TRAPPC9: variants seen among roughly 807,000 people sequenced by gnomAD.
The protein encoded by TRAPPC9 is trafficking protein particle complex subunit 9.
A neutral mutation model predicts 124.0 loss-of-function variants in TRAPPC9; 83 were observed. The observed-to-expected ratio is 0.67, with a 90% CI of 0.56 to 0.80. The LOEUF (loss-of-function observed/expected upper bound fraction) is 0.80, where lower values mean the gene tolerates loss of function less well. Ranked by LOEUF, TRAPPC9 falls within the 30% of genes least tolerant of loss-of-function variation. TRAPPC9 has a pLI of 0.00. For synonymous variants in TRAPPC9, 638 were observed against 617.5 expected, an observed-to-expected ratio of 1.03 and a Z score of -0.49; for missense variants, 1,302 against 1,508.3, an observed-to-expected ratio of 0.86 and a Z score of 2.27.
intron 17 of TRAPPC9, among the ~76,000 whole-genome samples, chr8:140,186,209 T>C (rs1241142307): frequency 1.3e-5 from 2 of 152,256 alleles, no homozygotes; most frequent in African/African-American, 2.4e-5. Flanking sequence ...AGAATTTCTA[T>C]AGCTACAAAA....
chr8:140,287,527 G>A lies in TRAPPC9; in HGVS notation c.1981+81C>T, dbSNP rs184755461. 48 of 1,568,122 alleles carry A rather than the reference G, an allele frequency of 3.1e-5. No individual in the cohort carries two copies. In the African/African-American group the frequency reaches 3.2e-4, roughly 11 times the overall value. On this transcript the variant is annotated intron_variant, in intron 13 of 22. Transcript: ENST00000438773. ...ACTGGTTAGGACTGGCATGACGGGC[G>A]ATCGGCTCTGGACCTCATGGAGGCC... is the stretch of plus-strand genomic sequence containing the variant.
Position 140,354,527 on chromosome 8 carries a change from G to A in TRAPPC9, c.1495+5523C>T, listed in dbSNP as rs530952641. 2.8e-4 allele frequency among the ~76,000 whole-genome samples: 42 copies of A among 152,224 alleles called. 1 individual carries two copies. In the South Asian group the frequency reaches 8.7e-3, roughly 32 times the overall value. Reference sequence around the variant, plus strand: ...TTCAATCTTTTGCAAATACTGGAGGGTACACATGGAGCAGAAGGCCCCCGA... The same window carrying A: ...TTCAATCTTTTGCAAATACTGGAGGATACACATGGAGCAGAAGGCCCCCGA... On this transcript the variant is annotated intron_variant, in intron 9 of 22. Coordinates refer to ENST00000438773, the MANE Select transcript of TRAPPC9 (RefSeq NM_001160372.4).
At chr8:140,317,147 C>T (rs1241372591) in intron 9 of TRAPPC9, among the ~76,000 whole-genome samples, 4 of 151,918 alleles carry the variant, frequency 2.6e-5, no homozygotes, top group Non-Finnish European at 4.4e-5. Context: ...TTAAGCTTTT[C>T]AAAACACCAG....
chr8:140,275,634 G>A (rs2131648707), intron 15 of TRAPPC9, 24 bp downstream of exon 15: 1 of 1,612,230 alleles, frequency 6.2e-7, no homozygotes, highest in Non-Finnish European at 8.5e-7. Context: ...CATTCCCAGG[G>A]TCAAAGCTGC....
chr8:140,274,283 A>C lies in TRAPPC9; in HGVS notation c.2278+1375T>G, dbSNP rs4736167. The stretch of plus-strand genomic sequence containing the variant: ...AGAAAATATAAAATGAGTGTGCACC[A>C]ACAAGCTACAGGTGACTTCCTGCTC... On this transcript the variant is annotated intron_variant, in intron 15 of 22. Coordinates refer to ENST00000438773, the MANE Select transcript of TRAPPC9 (RefSeq NM_001160372.4). Among the ~76,000 whole-genome samples, 43 of 152,036 alleles carry C rather than the reference A, an allele frequency of 2.8e-4. 1 individual carries two copies. Among genetic ancestry groups the C allele is most frequent in the African/African-American group, 1.0e-3 (43 of 41,464 alleles).
chr8:140,074,241 C>T (rs528407340), intron 17 of TRAPPC9, among the ~76,000 whole-genome samples: 59 of 152,308 alleles, frequency 3.9e-4, no homozygotes, highest in African/African-American at 1.3e-3. Flanking sequence ...CCTCCTCCTA[C>T]ACCCCTCCAG....
intron 21 of TRAPPC9, among the ~76,000 whole-genome samples, chr8:139,870,486 C>G (rs773534061): frequency 6.6e-6 from 1 of 152,152 alleles, no homozygotes; most frequent in Non-Finnish European, 1.5e-5. Context: ...TTGTTGCCAT[C>G]ATGCTTATAA....
At chr8:139,762,125 C>A (rs1456707208) in intron 21 of TRAPPC9, among the ~76,000 whole-genome samples, 2 of 151,712 alleles carry the variant, frequency 1.3e-5, no homozygotes, top group Non-Finnish European at 2.9e-5. Flanking sequence ...TGAGGGCCTG[C>A]CACATGCTCA....
At chr8:139,789,588 A>G (rs1822512345) in intron 21 of TRAPPC9, among the ~76,000 whole-genome samples, 1 of 151,984 alleles carries the variant, frequency 6.6e-6, no homozygotes, top group African/African-American at 2.4e-5. Context: ...TGCTCATGTA[A>G]CCTGGCACCC....
chr8:139,933,002 A>G (rs897813430), intron 19 of TRAPPC9: 1 of 156,054 alleles, frequency 6.4e-6, no homozygotes, highest in Non-Finnish European at 1.4e-5. Flanking sequence ...CATGGCGCAA[A>G]AAAGCCACTA....
chr8:140,352,707 C>T (rs193111522), intron 9 of TRAPPC9, among the ~76,000 whole-genome samples: 3 of 152,302 alleles, frequency 2.0e-5, no homozygotes, highest in African/African-American at 7.2e-5. Context: ...CTCACCCCTT[C>T]CCCAGGCCAG....
At chr8:139,955,164 A>AGC (rs1018001330) in intron 19 of TRAPPC9, among the ~76,000 whole-genome samples, 1 of 152,108 alleles carries the variant, frequency 6.6e-6, no homozygotes. Context: ...CTCTGCCACC[A>AGC]GCTGCACCAG....
At chr8:140,218,831 A>G (rs13274935) in intron 17 of TRAPPC9, among the ~76,000 whole-genome samples, 60,718 of 151,896 alleles carry the variant, frequency 0.4, 14,657 homozygotes, top group Non-Finnish European at 0.55. Context: ...GTGGTGGCGC[A>G]CGCCTGTAAT....
chr8:140,203,905 G>A (rs1428089505), intron 17 of TRAPPC9, among the ~76,000 whole-genome samples: 1 of 152,180 alleles, frequency 6.6e-6, no homozygotes, highest in Non-Finnish European at 1.5e-5. Context: ...AAACCCGAAA[G>A]CCCTCCACAC....
In TRAPPC9 at chr8:140,352,845, C is replaced by T. The variant is rs755592570; in HGVS notation, c.1495+7205G>A. Among the ~76,000 whole-genome samples, 49 of 152,256 alleles carry T rather than the reference C, an allele frequency of 3.2e-4. 1 individual carries two copies. Among genetic ancestry groups the T allele is most frequent in the South Asian group, 8.3e-4 (4 of 4,820 alleles). Reference sequence around the variant, plus strand: ...TTCTGCTGTTCCCTATTTCTCTCTCCGAGTCTTCTTAAGGTAACCTTGAGC... The same window carrying T: ...TTCTGCTGTTCCCTATTTCTCTCTCTGAGTCTTCTTAAGGTAACCTTGAGC... On this transcript the variant is annotated intron_variant, in intron 9 of 22. Transcript: ENST00000438773.
At chr8:140,042,064 A>G (rs1394465736) in intron 17 of TRAPPC9, among the ~76,000 whole-genome samples, 1 of 152,224 alleles carries the variant, frequency 6.6e-6, no homozygotes, top group Non-Finnish European at 1.5e-5. Flanking sequence ...TGGAACGTTT[A>G]TGACATAACA....
intron 15 of TRAPPC9, among the ~76,000 whole-genome samples, chr8:140,270,888 C>T (rs1563901679): frequency 1.3e-5 from 2 of 152,198 alleles, no homozygotes; most frequent in Non-Finnish European, 2.9e-5. Flanking sequence ...CCACACAGGG[C>T]CGCGGGGGCC....
At chr8:139,796,221 G>A (rs532273719) in intron 21 of TRAPPC9, among the ~76,000 whole-genome samples, 16 of 152,274 alleles carry the variant, frequency 1.1e-4, no homozygotes, top group African/African-American at 3.4e-4. Flanking sequence ...GCTTCCCTTC[G>A]GCGCTGTTCA....
At chr8:139,917,170 T>C (rs80120762) in intron 19 of TRAPPC9, among the ~76,000 whole-genome samples, 1 of 130,626 alleles carries the variant, frequency 7.7e-6, no homozygotes. Context: ...TTATTTTCTT[T>C]TTTTTTTTTT....
Sources: gnomAD v4.1 joint callset for allele counts (sites outside exome capture counted in the v4.1 genomes callset) on GRCh38, gnomAD v4.1.1 for gene constraint, MANE v1.5 for transcripts, NCBI Gene and HGNC (gene_info 2026-07-23, HGNC 2026-07-21) for gene names.